The following ROBO1 variants were observed in gnomAD, a reference collection of about 807,000 sequenced individuals.
The protein encoded by ROBO1 is roundabout guidance receptor 1.
ROBO1 carries 149 observed loss-of-function variants against 195.9 expected under a neutral mutation model. The observed-to-expected ratio is 0.76, with a 90% CI of 0.67 to 0.87. The LOEUF (loss-of-function observed/expected upper bound fraction) is 0.87. Among genes scored for constraint, ROBO1 ranks in the 40% least tolerant of loss-of-function variants. ROBO1 has a pLI of 0.00. For synonymous variants in ROBO1, 816 were observed against 733.2 expected (o/e 1.11, Z -1.82); for missense variants, 1,933 against 2,068.3 (o/e 0.93, Z 1.27).
chr3:79,111,445 C>T (rs1002026321), intron 3 of ROBO1, among the ~76,000 whole-genome samples: 1 of 152,126 alleles, frequency 6.6e-6, no homozygotes, highest in African/African-American at 2.4e-5. Context: ...AGGAAGAGCC[C>T]TTTCTTCTTA....
At chr3:79,422,919 A>G (rs1251850510) in intron 2 of ROBO1, among the ~76,000 whole-genome samples, 1 of 152,040 alleles carries the variant, frequency 6.6e-6, no homozygotes, top group Non-Finnish European at 1.5e-5. Flanking sequence ...CTTGAACTCA[A>G]TTCATATTAT....
chr3:78,999,126 A>G (rs2077436160), intron 3 of ROBO1, among the ~76,000 whole-genome samples: 1 of 152,104 alleles, frequency 6.6e-6, no homozygotes, highest in Admixed American at 6.6e-5. Context: ...GTGGGAATGT[A>G]AATTAGTGGA....
At chr3:78,792,965 T>C (rs1371816322) in intron 4 of ROBO1, among the ~76,000 whole-genome samples, 1 of 151,636 alleles carries the variant, frequency 6.6e-6, no homozygotes, top group African/African-American at 2.4e-5. Flanking sequence ...AATCCAGGCA[T>C]TGTGGCAAGT....
chr3:78,692,741 T>G (rs1357076916), intron 8 of ROBO1: 1 of 152,190 alleles, frequency 6.6e-6, no homozygotes, highest in Non-Finnish European at 1.5e-5. Context: ...ACTTGATGGC[T>G]TATTTATTTA....
At chr3:79,650,197 A>G (rs1205966548) in intron 1 of ROBO1, among the ~76,000 whole-genome samples, 1 of 151,978 alleles carries the variant, frequency 6.6e-6, no homozygotes, top group Non-Finnish European at 1.5e-5. Flanking sequence ...AAACTGATTA[A>G]GAAAACTGCA....
intron 3 of ROBO1, among the ~76,000 whole-genome samples, chr3:79,051,025 A>G (rs1229043365): frequency 6.6e-6 from 1 of 152,190 alleles, no homozygotes; most frequent in East Asian, 1.9e-4. Flanking sequence ...AAACAAATTC[A>G]AAAGCTAGCA....
intron 4 of ROBO1, among the ~76,000 whole-genome samples, chr3:78,891,344 C>G (rs904186929): frequency 1.4e-5 from 2 of 138,548 alleles, no homozygotes; most frequent in African/African-American, 5.3e-5. Context: ...ATGGCCAATA[C>G]GCACATTTAA....
intron 2 of ROBO1, among the ~76,000 whole-genome samples, chr3:79,475,828 A>C (rs1360609689): frequency 6.6e-6 from 1 of 152,118 alleles, no homozygotes; most frequent in Non-Finnish European, 1.5e-5. Context: ...GTAAGGTATC[A>C]TTAAGAGTTT....
intron 4 of ROBO1, among the ~76,000 whole-genome samples, chr3:78,832,542 A>C (rs1426387828): frequency 1.3e-5 from 2 of 152,114 alleles, no homozygotes; most frequent in African/African-American, 4.8e-5. Context: ...CACCTATTCA[A>C]CTAACATTGT....
intron 2 of ROBO1, among the ~76,000 whole-genome samples, chr3:79,445,355 TACA>T (rs1421399118): frequency 2.0e-5 from 3 of 151,898 alleles, no homozygotes; most frequent in Non-Finnish European, 4.4e-5. Flanking sequence ...TGATGAAAAC[TACA>T]ACAATTGATC....
At chr3:79,605,222 C>T in intron 1 of ROBO1, among the ~76,000 whole-genome samples, 1 of 151,028 alleles carries the variant, frequency 6.6e-6, no homozygotes, top group East Asian at 1.9e-4. Context: ...TCTGGCCACA[C>T]TTTTTATGAT....
At chr3:79,321,248 T>C (rs1320926635) in intron 2 of ROBO1, among the ~76,000 whole-genome samples, 1 of 152,102 alleles carries the variant, frequency 6.6e-6, no homozygotes, top group Non-Finnish European at 1.5e-5. Flanking sequence ...TTTTTTTCTA[T>C]AGGGGTATTT....
chr3:79,314,549 T>C (rs2033645528), intron 2 of ROBO1, among the ~76,000 whole-genome samples: 1 of 152,242 alleles, frequency 6.6e-6, no homozygotes, highest in Admixed American at 6.5e-5. Flanking sequence ...TGCTCAACTG[T>C]GAGTCAATTA....
Position 78,639,182 on chromosome 3 carries a change from C to A in ROBO1, c.3037+562G>T, listed in dbSNP as rs374631107. Among the ~76,000 whole-genome samples the A allele has an allele frequency of 1.8e-4, 28 of 152,064 alleles. No individual in the cohort carries two copies. In the South Asian group the frequency reaches 5.8e-3, roughly 32 times the overall value. On this transcript the variant is annotated intron_variant, in intron 22 of 30. Coordinates refer to ENST00000464233, the MANE Select transcript of ROBO1 (RefSeq NM_002941.4). ...AAAGTTAAATACTTTTATGGCTGGGCACAGTGGCTCACGCCTGTACTCCCA... is the reference window on the plus strand; with the variant it reads ...AAAGTTAAATACTTTTATGGCTGGGAACAGTGGCTCACGCCTGTACTCCCA...
At chr3:78,755,609 C>A (rs1402621364) in intron 4 of ROBO1, among the ~76,000 whole-genome samples, 1 of 152,050 alleles carries the variant, frequency 6.6e-6, no homozygotes, top group African/African-American at 2.4e-5. Context: ...ATTGGAGGTA[C>A]CTTTTGTTGG....
chr3:79,380,003 C>A (rs1463500636), intron 2 of ROBO1, among the ~76,000 whole-genome samples: 2 of 152,174 alleles, frequency 1.3e-5, no homozygotes, highest in African/African-American at 4.8e-5. Flanking sequence ...TGTTCCAATA[C>A]AAATCATGGT....
chr3:79,242,572 T>C (rs1259951215), intron 2 of ROBO1, among the ~76,000 whole-genome samples: 1 of 152,168 alleles, frequency 6.6e-6, no homozygotes, highest in Non-Finnish European at 1.5e-5. Flanking sequence ...CATGGTGCTG[T>C]AGGGGTGCTA....
At chr3:79,437,064 CAT>C (rs927857473) in intron 2 of ROBO1, among the ~76,000 whole-genome samples, 11 of 152,064 alleles carry the variant, frequency 7.2e-5, no homozygotes, top group African/African-American at 1.9e-4. Context: ...GGTTAATCCA[CAT>C]GTCATTAATC....
chr3:78,967,962 C>A (rs1447987963), intron 3 of ROBO1, among the ~76,000 whole-genome samples: 1 of 152,130 alleles, frequency 6.6e-6, no homozygotes, highest in Non-Finnish European at 1.5e-5. Context: ...CATAAACTTG[C>A]AAGTCATTTT....
Sources: gnomAD v4.1 joint callset for allele counts (sites outside exome capture counted in the v4.1 genomes callset) on GRCh38, gnomAD v4.1.1 for gene constraint, MANE v1.5 for transcripts, NCBI Gene and HGNC (gene_info 2026-07-23, HGNC 2026-07-21) for gene names.